ABLIM1: variants seen among roughly 807,000 people sequenced by gnomAD.
The protein encoded by ABLIM1 is actin binding LIM protein 1, also known as actin-binding LIM protein 1.
Under a neutral mutation model 107.0 loss-of-function variants are expected in ABLIM1, and 40 were observed. The observed-to-expected ratio is 0.37, with a 90% confidence interval of 0.29 to 0.49. The LOEUF (loss-of-function observed/expected upper bound fraction) is 0.49. ABLIM1 is among the 20% of genes least tolerant of loss of function. The probability of loss-of-function intolerance (pLI) is 0.97; values close to 1 mark genes in which losing one functional copy is unlikely to be tolerated. For synonymous variants in ABLIM1, 357 were observed against 357.3 expected (o/e 1.00, Z 0.01); for missense variants, 857 against 1,008.5 (o/e 0.85, Z 2.04).
chr10:114,624,697 G>A (rs150822502), intron 1 of ABLIM1, among the ~76,000 whole-genome samples: 380 of 151,846 alleles, frequency 2.5e-3, no homozygotes, highest in African/African-American at 8.8e-3. Context: ...TCGTAGAAAT[G>A]ACATCTTTTT....
chr10:114,581,776 TG>T (rs2073409020), intron 2 of ABLIM1, among the ~76,000 whole-genome samples: 1 of 152,130 alleles, frequency 6.6e-6, no homozygotes, highest in South Asian at 2.1e-4. Context: ...ATGAAAGTTC[TG>T]GGACCTGTCT....
Position 114,431,984 on chromosome 10 carries a change from T to TAAAAAAAATAAACAGTGATTA in ABLIM1, c.*4275_*4276insTAATCACTGTTTATTTTTTTT. 1 of 151,920 alleles carries TAAAAAAAATAAACAGTGATTA rather than the reference T, an allele frequency of 6.6e-6. No homozygotes were observed. The highest frequency in any genetic ancestry group is 1.5e-5 in the Non-Finnish European group (1 of 67,994). The allele number at this position is 151,920 out of a possible 1,614,324, so 9.4% of individuals were successfully genotyped here. ...CGCAAACAGAAAAATAAACAGTGAT[T>TAAAAAAAATAAACAGTGATTA]AAAAAAAAATGCCAAAGTGAAGGTT... On this transcript the variant is annotated 3_prime_UTR_variant, in exon 23 of 23. Transcript: ENST00000533213.
rs560110082 is a variant in ABLIM1 at position 114,445,472 on chromosome 10, T to C, written c.1736-69A>G. On this transcript the variant is annotated intron_variant, in intron 15 of 22. Coordinates refer to ENST00000533213, the MANE Select transcript of ABLIM1 (RefSeq NM_002313.7). ...AAGGGAATCTTAACGGGCTAGTCCATCTGTGTTCAGTTTGTTAGGCTGGCA... is the reference window on the plus strand; with the variant it reads ...AAGGGAATCTTAACGGGCTAGTCCACCTGTGTTCAGTTTGTTAGGCTGGCA... 85 of 1,347,234 alleles carry C rather than the reference T, an allele frequency of 6.3e-5. 1 individual carries two copies. In the South Asian group the frequency reaches 6.4e-4, roughly 10 times the overall value. The allele number at this position is 1,347,234 out of a possible 1,614,324, so 83.5% of individuals were successfully genotyped here. A position where few individuals can be genotyped will look rare whatever the true frequency, so the allele number is the denominator to read the frequency against.
At chr10:114,747,806 A>G (rs550041976) in intron 1 of ABLIM1, among the ~76,000 whole-genome samples, 19 of 152,336 alleles carry the variant, frequency 1.2e-4, no homozygotes, top group African/African-American at 4.3e-4. Context: ...TTGGGAGGCC[A>G]AGGTGGGTGG....
At chr10:114,444,336 T>C (rs2060701968) in intron 16 of ABLIM1, among the ~76,000 whole-genome samples, 1 of 152,088 alleles carries the variant, frequency 6.6e-6, no homozygotes, top group African/African-American at 2.4e-5. Context: ...CCTTTCAGTT[T>C]CAAAGCTCCA....
chr10:114,697,886 A>T (rs2081228440), intron 1 of ABLIM1, among the ~76,000 whole-genome samples: 1 of 152,200 alleles, frequency 6.6e-6, no homozygotes. Context: ...GCTTTAAAGT[A>T]ATGATTTTAA....
the ABLIM1 span, among the ~76,000 whole-genome samples, chr10:114,776,503 C>T: frequency 6.6e-6 from 1 of 151,984 alleles, no homozygotes; most frequent in East Asian, 1.9e-4. Context: ...GCCGCAGCTA[C>T]TCGGGAGGCT....
chr10:114,620,944 G>A (rs11814078), intron 1 of ABLIM1, among the ~76,000 whole-genome samples: 13,954 of 152,038 alleles, frequency 0.092, 1,501 homozygotes, highest in African/African-American at 0.26. Flanking sequence ...CCTGATTCTC[G>A]GGGCATCCAT....
At chr10:114,514,607 C>G (rs775360670) in intron 6 of ABLIM1, among the ~76,000 whole-genome samples, 1 of 152,164 alleles carries the variant, frequency 6.6e-6, no homozygotes, top group Non-Finnish European at 1.5e-5. Context: ...TCAAGCTCCT[C>G]GGCTCAAGTG....
At chr10:114,735,715 C>G (rs1447833065) in intron 1 of ABLIM1, among the ~76,000 whole-genome samples, 1 of 152,114 alleles carries the variant, frequency 6.6e-6, no homozygotes, top group Non-Finnish European at 1.5e-5. Flanking sequence ...TGATCTGCCC[C>G]CCTCGGCCTC....
At chr10:114,790,923 T>C in the ABLIM1 span, among the ~76,000 whole-genome samples, 1 of 152,174 alleles carries the variant, frequency 6.6e-6, no homozygotes, top group African/African-American at 2.4e-5. Flanking sequence ...AAATTACATG[T>C]ATTTGTAAAT....
At position 114,520,686 on chromosome 10, in the gene ABLIM1, G is replaced by A. The variant is rs147695257; in HGVS notation, c.894+24319C>T. Among the ~76,000 whole-genome samples the A allele has an allele frequency of 1.2e-3, 185 of 152,090 alleles. 1 individual carries two copies. The highest frequency in any genetic ancestry group is 4.1e-3 in the African/African-American group (171 of 41,514). On this transcript the variant is annotated intron_variant, in intron 6 of 22. Coordinates refer to ENST00000533213, the MANE Select transcript of ABLIM1 (RefSeq NM_002313.7). ...AAAAAAAGAAAGAAAGAAAAATGAC[G>A]TAGGCTGGGTGTGGTGCTTCATGCC...
chr10:114,442,958 C>T (rs1344332952), intron 17 of ABLIM1, among the ~76,000 whole-genome samples: 1 of 152,132 alleles, frequency 6.6e-6, no homozygotes, highest in African/African-American at 2.4e-5. Context: ...CCTGCCTCAG[C>T]CTCCCGAGTA....
chr10:114,697,507 G>A (rs2081221685), intron 1 of ABLIM1, among the ~76,000 whole-genome samples: 1 of 152,248 alleles, frequency 6.6e-6, no homozygotes, highest in Non-Finnish European at 1.5e-5. Flanking sequence ...CACCGTAAAT[G>A]CCAGCGAGTA....
intron 6 of ABLIM1, among the ~76,000 whole-genome samples, chr10:114,499,763 C>T (rs901101235): frequency 2.6e-5 from 4 of 152,236 alleles, no homozygotes; most frequent in South Asian, 2.1e-4. Context: ...GTGCTGCTTA[C>T]GTGGCAGGTG....
intron 8 of ABLIM1, among the ~76,000 whole-genome samples, chr10:114,486,576 C>A (rs1054183780): frequency 1.3e-5 from 2 of 152,192 alleles, no homozygotes; most frequent in Admixed American, 6.5e-5. Context: ...GGTGACTACG[C>A]CTGTGTGTGA....
At chr10:114,445,463 G>A (rs1261360305) in intron 15 of ABLIM1, 60 bp from the exon 16 acceptor site, 2 of 1,407,468 alleles carry the variant, frequency 1.4e-6, no homozygotes, top group Non-Finnish European at 1.0e-6. Context: ...ATCTTAACGG[G>A]CTAGTCCATC....
chr10:114,691,308 C>T (rs11196881), intron 1 of ABLIM1, among the ~76,000 whole-genome samples: 71,840 of 152,010 alleles, frequency 0.47, 17,815 homozygotes, highest in South Asian at 0.6. Context: ...AATATCAATG[C>T]TGTTATTTGC....
At chr10:114,684,556 G>C in exon 1 of ABLIM1, 1 of 1,384,484 alleles carries the variant, frequency 7.2e-7, no homozygotes, top group South Asian at 1.8e-5. Context: ...AGTGACTCTG[G>C]CTCCTTCCTC....
Sources: gnomAD v4.1 joint callset for allele counts (sites outside exome capture counted in the v4.1 genomes callset) on GRCh38, gnomAD v4.1.1 for gene constraint, MANE v1.5 for transcripts, NCBI Gene and HGNC (gene_info 2026-07-23, HGNC 2026-07-21) for gene names.